Variants in CDKL5 observed in about 807,000 individuals in gnomAD.
CDKL5 encodes cyclin dependent kinase like 5, also known as cyclin-dependent kinase-like 5.
CDKL5 carries 8 observed loss-of-function variants against 61.7 expected under a neutral mutation model. The ratio of observed to expected loss-of-function variants is 0.13; its 90% confidence interval spans 0.08 to 0.23. CDKL5 has a LOEUF of 0.23. Ranked by LOEUF, CDKL5 falls within the 10% of genes least tolerant of loss-of-function variation. The probability of loss-of-function intolerance (pLI) is 1.00; values close to 1 mark genes in which losing one functional copy is unlikely to be tolerated. For missense variants in CDKL5, 440 were observed against 734.5 expected (o/e 0.60, Z 4.63); for synonymous variants, 275 against 272.3 (o/e 1.01, Z -0.10).
intron 1 of CDKL5, among the ~76,000 whole-genome samples, chrX:18,454,579 C>T (rs1483114674): frequency 1.1e-5 from 1 of 91,510 alleles, no homozygotes; most frequent in East Asian, 3.5e-4. Context: ...TTGTTTGAGG[C>T]GGAGTCTTGC....
At chrX:18,434,026 T>C (rs1422664332) in intron 1 of CDKL5, among the ~76,000 whole-genome samples, 1 of 111,876 alleles carries the variant, frequency 8.9e-6, no homozygotes. Flanking sequence ...CAGCTTAACA[T>C]GCAAGGTACT....
chrX:18,515,756 C>T (rs924406361), intron 3 of CDKL5, among the ~76,000 whole-genome samples: 1 of 111,222 alleles, frequency 9.0e-6, no homozygotes, highest in Non-Finnish European at 1.9e-5. Flanking sequence ...ACATGCTAGA[C>T]ACTCTACTAG....
intron 3 of CDKL5, among the ~76,000 whole-genome samples, chrX:18,523,076 G>A (rs1011703834): frequency 9.0e-6 from 1 of 111,456 alleles, no homozygotes; most frequent in Admixed American, 9.5e-5. Context: ...GATTACAGGC[G>A]TGAGCCACCA....
Position 18,579,975 on chromosome X carries a change from A to G in CDKL5, c.403+7A>G, listed in dbSNP as rs1236202418. The G allele has an allele frequency of 8.4e-7, 1 of 1,185,803 alleles. No homozygotes were observed. The highest frequency in any genetic ancestry group is 1.8e-5 in the South Asian group (1 of 55,953). ...AATGATATTGTCCATCGAGGTGAGT[A>G]TGAGATTTTTAAAATGGAAAATATT... On this transcript the variant is annotated splice_region_variant and intron_variant, in intron 6 of 17. Coordinates refer to ENST00000623535, the MANE Select transcript of CDKL5 (RefSeq NM_001323289.2).
At chrX:18,653,464 G>A (rs145462429) in exon 22 of CDKL5, 5 of 1,209,569 alleles carry the variant, frequency 4.1e-6, no homozygotes, top group Non-Finnish European at 5.6e-6. Flanking sequence ...CGTTATGAGG[G>A]AAGCCCTGAT....
chrX:18,499,672 C>A lies in CDKL5; in HGVS notation c.-162-7263C>A, dbSNP rs756126180. Among the ~76,000 whole-genome samples, 10 of 112,078 alleles carry A rather than the reference C, an allele frequency of 8.9e-5. No individual in the cohort carries two copies. In the South Asian group the frequency reaches 2.6e-3, roughly 29 times the overall value. On this transcript the variant is annotated intron_variant, in intron 1 of 17. Transcript: ENST00000623535. ...GCGTGAGCCACTGCACCCGGCCAGT[C>A]TGGTTTTTATTGCATCAACCCTACC... is the stretch of plus-strand genomic sequence containing the variant.
intron 17 of CDKL5, 119 bp downstream of exon 17, chrX:18,625,366 C>T: frequency 1.3e-6 from 1 of 779,070 alleles, no homozygotes; most frequent in Non-Finnish European, 1.9e-6. Context: ...CTGAGCACCT[C>T]CTCAAAATAG....
chrX:18,582,192 A>G (rs1032436886), intron 7 of CDKL5, among the ~76,000 whole-genome samples: 5 of 111,466 alleles, frequency 4.5e-5, no homozygotes, highest in Non-Finnish European at 7.6e-5. Flanking sequence ...CAAAGCAAAT[A>G]CACCCATATG....
intron 4 of CDKL5, among the ~76,000 whole-genome samples, chrX:18,566,972 C>A (rs752181810): frequency 1.8e-5 from 2 of 111,682 alleles, no homozygotes; most frequent in East Asian, 5.6e-4. Context: ...ACACATACTT[C>A]TAGAGGGATA....
In CDKL5 at chrX:18,509,197, G is replaced by GCACGCGCGCGCGCACACACACACACA. The variant is rs1204561636; in HGVS notation, c.65-1620_65-1619insGCGCGCGCGCACACACACACACACAC. 4.7e-5 allele frequency among the ~76,000 whole-genome samples: 3 copies of GCACGCGCGCGCGCACACACACACACA among 64,306 alleles called. No individual in the cohort carries two copies. In the East Asian group the frequency reaches 2.1e-3, roughly 44 times the overall value. 55.8% of individuals were successfully genotyped at this position (64,306 alleles called of 115,157 possible). A position where few individuals can be genotyped will look rare whatever the true frequency, so the allele number is the denominator to read the frequency against. On this transcript the variant is annotated intron_variant, in intron 2 of 17. Transcript: ENST00000623535. ...AGAGAGCGAGACTGTCTCAAAACAC[G>GCACGCGCGCGCGCACACACACACACA]CACACACACACACACACACACACAC... is the stretch of plus-strand genomic sequence containing the variant.
rs752279222 is a variant in CDKL5 at position 18,564,470 on chromosome X, C to T, written c.100-7C>T. 28 of 1,160,292 alleles carry T rather than the reference C, an allele frequency of 2.4e-5. No homozygotes were observed. Among genetic ancestry groups the T allele is most frequent in the Non-Finnish European group, 3.3e-5 (28 of 855,980 alleles). The stretch of plus-strand genomic sequence containing the variant: ...ATGACTTTCCTTCTGCTTCTTTTCC[C>T]TTGCAGGAAACACATGAAATTGTGG... On this transcript the variant is annotated splice_polypyrimidine_tract_variant and splice_region_variant and intron_variant, in intron 3 of 17. Coordinates refer to ENST00000623535, the MANE Select transcript of CDKL5 (RefSeq NM_001323289.2).
At chrX:18,484,328 T>TGG (rs199715893) in intron 1 of CDKL5, among the ~76,000 whole-genome samples, 5 of 108,381 alleles carry the variant, frequency 4.6e-5, no homozygotes, top group African/African-American at 1.7e-4. Context: ...TCTTTTTTTT[T>TGG]GGGGGGGGGA....
rs1329516670 is a variant in CDKL5, at chrX:18,633,047, A to G, written c.*4290A>G. On this transcript the variant is annotated 3_prime_UTR_variant, in exon 18 of 18. Transcript: ENST00000623535. ...CTCTTTCAGCAAGGGCAATGGCTCA[A>G]TGTGATTCGGTGCTGGAGCTCAGCT... 1 of 752,620 alleles carries G rather than the reference A, an allele frequency of 1.3e-6. No homozygotes were observed. The highest frequency in any genetic ancestry group is 1.5e-4 in the East Asian group (1 of 6,607). 62.0% of individuals were successfully genotyped at this position (752,620 alleles called of 1,213,427 possible).
At chrX:18,442,554 C>A (rs1034383507) in intron 1 of CDKL5, 2 of 110,978 alleles carry the variant, frequency 1.8e-5, no homozygotes, top group Non-Finnish European at 3.8e-5. Flanking sequence ...AGTGCTGTGG[C>A]GCGATCTCGG....
intron 3 of CDKL5, among the ~76,000 whole-genome samples, chrX:18,551,559 C>CATTATTATTATTATTATT (rs10659381): frequency 1.2e-5 from 1 of 80,977 alleles, no homozygotes; most frequent in Non-Finnish European, 2.3e-5. Context: ...GATACCTTGA[C>CATTATTATTATTATTATT]ATTATTATTA....
At chrX:18,440,984 T>G (rs1931727948) in intron 1 of CDKL5, among the ~76,000 whole-genome samples, 1 of 111,442 alleles carries the variant, frequency 9.0e-6, no homozygotes, top group Admixed American at 9.6e-5. Flanking sequence ...TTTCGCCTCC[T>G]TTTATGTTAG....
Position 18,653,565 on chromosome X carries a change from G to A in CDKL5, c.*21G>A. The A allele has an allele frequency of 2.5e-6, 3 of 1,206,203 alleles. No homozygotes were observed. The African/African-American group carries it at 5.2e-5, about 21-fold the overall frequency. ...AGTGACTTCTGCAAGCCTGCGGCTG[G>A]TCCCAATGCCCTGAATCACCTCTCT... On this transcript the variant is annotated 3_prime_UTR_variant, in exon 22 of 22. Transcript: ENST00000379989.
chrX:18,578,856 T>C (rs1457578630), intron 5 of CDKL5, among the ~76,000 whole-genome samples: 2 of 112,166 alleles, frequency 1.8e-5, no homozygotes, highest in Non-Finnish European at 1.9e-5. Context: ...TACTGCTTCA[T>C]CAAAGATGTC....
At chrX:18,553,338 A>C (rs961121000) in intron 3 of CDKL5, among the ~76,000 whole-genome samples, 2 of 111,798 alleles carry the variant, frequency 1.8e-5, no homozygotes, top group East Asian at 5.6e-4. Context: ...TAAAAGATTC[A>C]TGGAGGGCAG....
Sources: gnomAD v4.1 joint callset for allele counts (sites outside exome capture counted in the v4.1 genomes callset) on GRCh38, gnomAD v4.1.1 for gene constraint, MANE v1.5 for transcripts, NCBI Gene and HGNC (gene_info 2026-07-23, HGNC 2026-07-21) for gene names.